Variants in TAFA5 observed in about 807,000 individuals in gnomAD.
The protein encoded by TAFA5 is TAFA chemokine like family member 5, also known as chemokine-like protein TAFA-5.
In TAFA5, 6 loss-of-function variants were observed where a neutral mutation model predicts 15.3. The observed-to-expected ratio is 0.39, with a 90% CI of 0.21 to 0.77. The LOEUF (loss-of-function observed/expected upper bound fraction) is 0.77, where lower values mean the gene tolerates loss of function less well. Among genes scored for constraint, TAFA5 ranks in the 30% least tolerant of loss-of-function variants. The probability of loss-of-function intolerance (pLI) is 0.41; values close to 1 mark genes in which losing one functional copy is unlikely to be tolerated. For synonymous variants in TAFA5, 103 were observed against 80.7 expected (o/e 1.28, Z -1.48); for missense variants, 161 against 193.1 (o/e 0.83, Z 0.98).
At chr22:48,542,325 ATGTGTGTGGTG>A (rs781381084) in intron 1 of TAFA5, among the ~76,000 whole-genome samples, 740 of 52,028 alleles carry the variant, frequency 0.014, 5 homozygotes, top group African/African-American at 0.048. Context: ...TGTGTGTGTG[ATGTGTGTGGTG>A]TGTGTGTGGT....
At chr22:48,719,058 C>T (rs1273473845) in intron 3 of TAFA5, among the ~76,000 whole-genome samples, 3 of 152,256 alleles carry the variant, frequency 2.0e-5, no homozygotes, top group East Asian at 3.9e-4. Flanking sequence ...GTGGAAGAAA[C>T]GCAGTTTTAA....
chr22:48,490,784 A>AAAAAG lies in TAFA5; in HGVS notation c.112+1084_112+1085insGAAAA. Among the ~76,000 whole-genome samples the AAAAAG allele has an allele frequency of 6.9e-6, 1 of 144,068 alleles. No homozygotes were observed. The highest frequency in any genetic ancestry group is 1.5e-5 in the Non-Finnish European group (1 of 66,558). 94.5% of individuals were successfully genotyped at this position (144,068 alleles called of 152,430 possible). ...GAAAAATATGGATTCTTTACAAAAA[A>AAAAAG]AAAAAAAAAAGGCCAGCACCGAACC... is the stretch of plus-strand genomic sequence containing the variant. On this transcript the variant is annotated intron_variant, in intron 1 of 3. Transcript: ENST00000402357. This position sits in a 1 kb window ranked among gnomAD's most constrained non-coding sequence, Gnocchi z 5.8.
At position 48,489,851 on chromosome 22, in the gene TAFA5, A is replaced by G; in HGVS notation, c.112+147A>G. On this transcript the variant is annotated intron_variant, in intron 1 of 3. Coordinates refer to ENST00000402357, the MANE Select transcript of TAFA5 (RefSeq NM_001082967.3). The surrounding 1 kb of genome is among the most constrained non-coding windows in gnomAD (Gnocchi z 5.5). Reference sequence around the variant, plus strand: ...TGGTCCCCCGAGTCCCGGCCGGTCCAACGCTGCGCTGGGCGGGCGAGAGGG... The same window carrying G: ...TGGTCCCCCGAGTCCCGGCCGGTCCGACGCTGCGCTGGGCGGGCGAGAGGG... 2.3e-6 allele frequency: 1 copy of G among 440,126 alleles called. No individual in the cohort carries two copies. Among genetic ancestry groups the G allele is most frequent in the Non-Finnish European group, 3.9e-6 (1 of 258,402 alleles). 27.3% of individuals were successfully genotyped at this position (440,126 alleles called of 1,614,324 possible). A position where few individuals can be genotyped will look rare whatever the true frequency, so the allele number is the denominator to read the frequency against.
At chr22:48,726,733 G>A in intron 3 of TAFA5, among the ~76,000 whole-genome samples, 1 of 152,224 alleles carries the variant, frequency 6.6e-6, no homozygotes, top group East Asian at 1.9e-4. Flanking sequence ...GTGGTGGTGG[G>A]CTGGACAGGA....
chr22:48,656,142 G>A (rs912805954), intron 2 of TAFA5, among the ~76,000 whole-genome samples: 3 of 151,918 alleles, frequency 2.0e-5, no homozygotes, highest in East Asian at 1.9e-4. Flanking sequence ...ACGCCCGGCC[G>A]ACGCTGATTC....
intron 3 of TAFA5, among the ~76,000 whole-genome samples, chr22:48,719,950 T>C (rs1332694470): frequency 6.6e-6 from 1 of 152,248 alleles, no homozygotes; most frequent in African/African-American, 2.4e-5. Context: ...ACATTATTTC[T>C]GTCTGCACTT....
intron 3 of TAFA5, among the ~76,000 whole-genome samples, chr22:48,709,432 C>T (rs950903310): frequency 3.3e-5 from 5 of 152,128 alleles, no homozygotes; most frequent in African/African-American, 9.7e-5. Flanking sequence ...CCTGCGTTAC[C>T]GCCCTGAGTC....
intron 1 of TAFA5, among the ~76,000 whole-genome samples, chr22:48,549,521 G>C (rs559554672): frequency 5.4e-4 from 82 of 152,340 alleles, no homozygotes; most frequent in Non-Finnish European, 8.2e-4. Flanking sequence ...TCATGTGGTG[G>C]CATTTGGAGA....
intron 1 of TAFA5, among the ~76,000 whole-genome samples, chr22:48,577,026 A>ACGTCG (rs1354982871): frequency 2.0e-5 from 3 of 152,120 alleles, no homozygotes; most frequent in Non-Finnish European, 4.4e-5. Context: ...GGACCCGCGG[A>ACGTCG]CGTCGGGAAA....
At chr22:48,688,860 C>T (rs919642874) in intron 2 of TAFA5, among the ~76,000 whole-genome samples, 11 of 151,958 alleles carry the variant, frequency 7.2e-5, no homozygotes, top group South Asian at 2.1e-4. Flanking sequence ...GGTGTGGTGG[C>T]GCATGCCTGT....
intron 3 of TAFA5, among the ~76,000 whole-genome samples, chr22:48,743,021 C>G (rs773585107): frequency 1.3e-5 from 2 of 152,194 alleles, no homozygotes; most frequent in Non-Finnish European, 2.9e-5. Context: ...AGGACTCACT[C>G]GGGTCAGGCA....
rs563472941 is a variant in TAFA5, at chr22:48,593,101, G to A, written c.113-53496G>A. Among the ~76,000 whole-genome samples, 8 of 152,346 alleles carry A rather than the reference G, an allele frequency of 5.3e-5. No homozygotes were observed. In the East Asian group the frequency reaches 7.7e-4, roughly 15 times the overall value. ...AATCCCGACAGGAGCCGCAGCAGACGCGGGATGGGAGGTGCCCAAAGTCAC... is the reference window on the plus strand; with the variant it reads ...AATCCCGACAGGAGCCGCAGCAGACACGGGATGGGAGGTGCCCAAAGTCAC... On this transcript the variant is annotated intron_variant, in intron 1 of 3. Transcript: ENST00000402357.
At chr22:48,545,416 T>C (rs765709826) in intron 1 of TAFA5, 1 of 187,504 alleles carries the variant, frequency 5.3e-6, no homozygotes, top group Non-Finnish European at 1.1e-5. Context: ...AGCAACCCTA[T>C]GTCTTGTATC....
chr22:48,522,643 G>C (rs1921644691), intron 1 of TAFA5, among the ~76,000 whole-genome samples: 1 of 152,232 alleles, frequency 6.6e-6, no homozygotes, highest in African/African-American at 2.4e-5. Flanking sequence ...ATCCGCCCCT[G>C]GGAGGAAGGC....
At position 48,633,511 on chromosome 22, in the gene TAFA5, TGTCTGTCTGTCTGTCTGTCTGTCTCTCC is replaced by T. The variant is rs1228378471; in HGVS notation, c.113-13085_113-13058del. On this transcript the variant is annotated intron_variant, in intron 1 of 3. Coordinates refer to ENST00000402357, the MANE Select transcript of TAFA5 (RefSeq NM_001082967.3). Reference sequence around the variant, plus strand: ...TTTGCTCTGTGTCTGTCTGTCTGTCTGTCTGTCTGTCTGTCTGTCTGTCTCTCCCTCTCTCTCTCTCTCTCTCCATCTC... The same window carrying T: ...TTTGCTCTGTGTCTGTCTGTCTGTCTCTCTCTCTCTCTCTCTCTCCATCTC... Among the ~76,000 whole-genome samples, 151 of 62,182 alleles carry T rather than the reference TGTCTGTCTGTCTGTCTGTCTGTCTCTCC, an allele frequency of 2.4e-3. 3 individuals are homozygous for T. The highest frequency in any genetic ancestry group is 0.016 in the African/African-American group (145 of 9,312). The allele number at this position is 62,182 out of a possible 152,430, so 40.8% of individuals were successfully genotyped here. A position where few individuals can be genotyped will look rare whatever the true frequency, so the allele number is the denominator to read the frequency against.
intron 1 of TAFA5, among the ~76,000 whole-genome samples, chr22:48,503,434 C>G (rs1048338014): frequency 3.9e-5 from 6 of 152,190 alleles, no homozygotes; most frequent in South Asian, 2.1e-4. Flanking sequence ...GACTCGTGAA[C>G]TTGGGAAGGT....
chr22:48,588,715 G>A (rs1232962963), intron 1 of TAFA5, among the ~76,000 whole-genome samples: 1 of 152,180 alleles, frequency 6.6e-6, no homozygotes, highest in Non-Finnish European at 1.5e-5. Flanking sequence ...GGGCAGGGCA[G>A]GGCCTGGAGG....
At chr22:48,616,676 G>A (rs1015593613) in intron 1 of TAFA5, among the ~76,000 whole-genome samples, 23 of 151,166 alleles carry the variant, frequency 1.5e-4, no homozygotes, top group Admixed American at 3.9e-4. Context: ...GGCCACTGAA[G>A]CCCAAAACTT....
chr22:48,708,574 A>G (rs1929155604), intron 3 of TAFA5, among the ~76,000 whole-genome samples: 1 of 152,208 alleles, frequency 6.6e-6, no homozygotes, highest in African/African-American at 2.4e-5. Context: ...GCCCACGTGC[A>G]TGGGGCTCGG....
Sources: gnomAD v4.1 joint callset for allele counts (sites outside exome capture counted in the v4.1 genomes callset) on GRCh38, gnomAD v4.1.1 for gene constraint, Gnocchi (gnomAD v3.1) non-coding constraint, MANE v1.5 for transcripts, NCBI Gene and HGNC (gene_info 2026-07-23, HGNC 2026-07-21) for gene names.